Variants in NOS1 observed in about 807,000 individuals in gnomAD.
NOS1 encodes the protein nitric oxide synthase 1.
In NOS1, 51 loss-of-function variants were observed where a neutral mutation model predicts 164.5. The ratio of observed to expected loss-of-function variants is 0.31; its 90% confidence interval spans 0.25 to 0.39. The LOEUF (loss-of-function observed/expected upper bound fraction) is 0.39, where lower values mean the gene tolerates loss of function less well. Among genes scored for constraint, NOS1 ranks in the 10% least tolerant of loss-of-function variants. The probability of loss-of-function intolerance (pLI) is 1.00; values close to 1 mark genes in which losing one functional copy is unlikely to be tolerated. For synonymous variants in NOS1, 719 were observed against 745.8 expected (o/e 0.96, Z 0.59); for missense variants, 1,362 against 1,885.6 (o/e 0.72, Z 5.14).
intron 2 of NOS1, among the ~76,000 whole-genome samples, chr12:117,317,638 A>G (rs890424003): frequency 1.3e-5 from 2 of 151,958 alleles, no homozygotes; most frequent in African/African-American, 4.8e-5. Context: ...CTCTATGCTC[A>G]CCCAAGGATC....
chr12:117,278,494 T>C (rs1339636376), intron 8 of NOS1, among the ~76,000 whole-genome samples: 1 of 152,210 alleles, frequency 6.6e-6, no homozygotes, highest in Non-Finnish European at 1.5e-5. Flanking sequence ...AACAAGTGCA[T>C]CTGCAGGCTG....
chr12:117,281,840 A>AG (rs975332006), intron 7 of NOS1, among the ~76,000 whole-genome samples: 15 of 151,262 alleles, frequency 9.9e-5, no homozygotes, highest in Admixed American at 4.0e-4. Context: ...AAAAAAAGAA[A>AG]AAAAAAAAAA....
chr12:117,231,923 A>C, intron 22 of NOS1, 39 bp downstream of exon 22: 1 of 1,584,404 alleles, frequency 6.3e-7, no homozygotes, highest in Non-Finnish European at 8.6e-7. Flanking sequence ...GAGGAGGTGA[A>C]ATGCGCCCCC....
intron 1 of NOS1, among the ~76,000 whole-genome samples, chr12:117,347,156 G>A (rs1467214658): frequency 2.6e-5 from 4 of 152,014 alleles, no homozygotes; most frequent in Admixed American, 1.3e-4. Flanking sequence ...GTGTGGTGGT[G>A]CACACCTGTA....
chr12:117,226,790 A>G lies in NOS1; in HGVS notation c.3617-20T>C. The G allele has an allele frequency of 6.2e-7, 1 of 1,603,834 alleles. No individual in the cohort carries two copies. Among genetic ancestry groups the G allele is most frequent in the Non-Finnish European group, 8.5e-7 (1 of 1,171,440 alleles). On this transcript the variant is annotated intron_variant, in intron 23 of 28. Coordinates refer to ENST00000317775, the MANE Select transcript of NOS1 (RefSeq NM_000620.5). ...CTCCATCTAGTAGAATAACCAAGGC[A>G]GTCAGGGCCACCCACTGCTCCCGAG...
At chr12:117,359,879 TATATATATATATATATATATATA>T (rs1877044532) in intron 1 of NOS1, among the ~76,000 whole-genome samples, 10 of 24,092 alleles carry the variant, frequency 4.2e-4, no homozygotes, top group East Asian at 2.0e-3. Flanking sequence ...AATGGTTTTA[TATATATATATATATATATATATA>T]TATATATATA....
Position 117,210,468 on chromosome 12 carries a change from G to C in NOS1, c.*4841C>G. On this transcript the variant is annotated 3_prime_UTR_variant, in exon 29 of 29. Transcript: ENST00000317775. ...GACATGGTGGCCACAGCGGCATGCT[G>C]GGTATGTGGGGCAGCGGGTAGGGAA... The C allele has an allele frequency of 1.0e-6, 1 of 985,470 alleles. No individual in the cohort carries two copies. The highest frequency in any genetic ancestry group is 1.2e-6 in the Non-Finnish European group (1 of 829,990). The allele number at this position is 985,470 out of a possible 1,614,324, so 61.0% of individuals were successfully genotyped here.
chr12:117,330,515 C>T lies in NOS1; in HGVS notation c.555G>A (p.Gln185=). The change falls in exon 2 of 29, where the codon CAG becomes CAA. Residue 185 remains glutamine, a synonymous_variant. Transcript: ENST00000317775. This position sits in a 1 kb window ranked among gnomAD's most constrained non-coding sequence, Gnocchi z 4.6. ...ANGLAPRPPG[Q]DPAKKATRVS... ...CTCTGGTTGCTTTCTTCGCGGGGTC[C>T]TGGCCTGGGGGCCTGGGGGCCAGGC... 1 of 1,614,060 alleles carries T rather than the reference C, an allele frequency of 6.2e-7. No individual in the cohort carries two copies. The highest frequency in any genetic ancestry group is 8.5e-7 in the Non-Finnish European group (1 of 1,180,038).
At chr12:117,232,491 C>A (rs1869327052) in intron 21 of NOS1, among the ~76,000 whole-genome samples, 1 of 152,126 alleles carries the variant, frequency 6.6e-6, no homozygotes, top group South Asian at 2.1e-4. Flanking sequence ...AGCCTCTCAC[C>A]CCCTGAATGG....
intron 3 of NOS1, among the ~76,000 whole-genome samples, chr12:117,302,398 T>C (rs959295755): frequency 1.3e-5 from 2 of 151,862 alleles, no homozygotes; most frequent in African/African-American, 2.4e-5. Flanking sequence ...ATCGAGACCA[T>C]CCTGGCTAAC....
In NOS1 at chr12:117,221,062, T is replaced by C. The variant is rs144471569; in HGVS notation, c.3976-793A>G. On this transcript the variant is annotated intron_variant, in intron 26 of 28. Coordinates refer to ENST00000317775, the MANE Select transcript of NOS1 (RefSeq NM_000620.5). ...ACCCCCAGACCTCCCCAAGATCCCA[T>C]GGAGCTTTAGTTCTGTGGCCCGTGT... 3.6e-4 allele frequency among the ~76,000 whole-genome samples: 55 copies of C among 152,314 alleles called. No homozygotes were observed. In the South Asian group the frequency reaches 7.0e-3, roughly 19 times the overall value.
intron 3 of NOS1, among the ~76,000 whole-genome samples, chr12:117,305,516 A>G (rs1178540998): frequency 2.0e-5 from 3 of 151,212 alleles, no homozygotes; most frequent in African/African-American, 7.3e-5. Flanking sequence ...AGTGGCTTTG[A>G]GCAGGTAGAG....
At chr12:117,247,028 CTT>C (rs1217931077) in intron 18 of NOS1, among the ~76,000 whole-genome samples, 1 of 152,106 alleles carries the variant, frequency 6.6e-6, no homozygotes, top group Non-Finnish European at 1.5e-5. Flanking sequence ...TTGACCATCT[CTT>C]GTTTTCTTTG....
Position 117,302,594 on chromosome 12 carries a change from C to CAAA in NOS1, c.852+8869_852+8871dup, listed in dbSNP as rs144113071. Among the ~76,000 whole-genome samples, 11 of 72,920 alleles carry CAAA rather than the reference C, an allele frequency of 1.5e-4. 1 individual carries two copies. The highest frequency in any genetic ancestry group is 4.1e-4 in the East Asian group (1 of 2,460). The allele number at this position is 72,920 out of a possible 152,430, so 47.8% of individuals were successfully genotyped here. On this transcript the variant is annotated intron_variant, in intron 3 of 28. Coordinates refer to ENST00000317775, the MANE Select transcript of NOS1 (RefSeq NM_000620.5). The stretch of plus-strand genomic sequence containing the variant: ...TGGGTGAAAGAGCGAGACTCCGTCT[C>CAAA]AAAAAAAAAAAAAAAAAAAAAAAAT...
Position 117,209,520 on chromosome 12 carries a change from C to T in NOS1, c.*5789G>A, listed in dbSNP as rs950929511. On this transcript the variant is annotated 3_prime_UTR_variant, in exon 29 of 29. Coordinates refer to ENST00000317775, the MANE Select transcript of NOS1 (RefSeq NM_000620.5). ...TGCATGGAGGCAGATTTGTTCCCGC[C>T]TGCCAGGGCCATCTCGTTAATAACG... is the stretch of plus-strand genomic sequence containing the variant. 3 of 985,374 alleles carry T rather than the reference C, an allele frequency of 3.0e-6. No homozygotes were observed. Among genetic ancestry groups the T allele is most frequent in the East Asian group, 2.3e-4 (2 of 8,830 alleles). The allele number at this position is 985,374 out of a possible 1,614,324, so 61.0% of individuals were successfully genotyped here.
At chr12:117,279,493 C>A (rs1873458520) in intron 8 of NOS1, among the ~76,000 whole-genome samples, 1 of 152,134 alleles carries the variant, frequency 6.6e-6, no homozygotes, top group Admixed American at 6.6e-5. Context: ...CTGGGACTGG[C>A]CACATTTCAA....
intron 2 of NOS1, among the ~76,000 whole-genome samples, chr12:117,316,474 C>CCAA: frequency 6.6e-6 from 1 of 152,320 alleles, no homozygotes; most frequent in Middle Eastern, 3.4e-3. Flanking sequence ...CTGCTGAGAG[C>CCAA]CAACTCCTAC....
At chr12:117,238,044 G>A (rs1480078523) in intron 20 of NOS1, among the ~76,000 whole-genome samples, 1 of 152,174 alleles carries the variant, frequency 6.6e-6, no homozygotes, top group African/African-American at 2.4e-5. Flanking sequence ...AAGGCCCAGA[G>A]GCAGAGAAAA....
chr12:117,309,400 C>T, intron 3 of NOS1: 1 of 985,308 alleles, frequency 1.0e-6, no homozygotes, highest in Non-Finnish European at 1.2e-6. Context: ...TAGAATGTCT[C>T]ATCCTCCCCG....
Sources: gnomAD v4.1 joint callset for allele counts (sites outside exome capture counted in the v4.1 genomes callset) on GRCh38, gnomAD v4.1.1 for gene constraint, Gnocchi (gnomAD v3.1) non-coding constraint, MANE v1.5 for transcripts, NCBI Gene and HGNC (gene_info 2026-07-23, HGNC 2026-07-21) for gene names.